The following FREM1 variants were observed in gnomAD, a reference collection of about 807,000 sequenced individuals.
The protein encoded by FREM1 is FRAS1 related extracellular matrix 1.
In FREM1, 220 loss-of-function variants were observed where a neutral mutation model predicts 210.1. That is an observed-to-expected ratio of 1.05 (90% CI 0.94 to 1.17). The LOEUF (loss-of-function observed/expected upper bound fraction) is 1.17. Ranked by LOEUF, FREM1 falls within the 50% of genes most tolerant of loss-of-function variation. The pLI is 0.00. For synonymous variants in FREM1, 1,189 were observed against 980.2 expected, an observed-to-expected ratio of 1.21 and a Z score of -3.98; for missense variants, 3,454 against 2,675.5, an observed-to-expected ratio of 1.29 and a Z score of -6.42.
chr9:14,777,545 C>A (rs1437699400), intron 24 of FREM1, among the ~76,000 whole-genome samples: 1 of 152,046 alleles, frequency 6.6e-6, no homozygotes, highest in Non-Finnish European at 1.5e-5. Flanking sequence ...TCCACCGATA[C>A]AAAAACCTCT....
intron 13 of FREM1, among the ~76,000 whole-genome samples, chr9:14,821,738 G>C (rs1195574358): frequency 6.6e-6 from 1 of 152,224 alleles, no homozygotes; most frequent in East Asian, 1.9e-4. Flanking sequence ...TGGTGAGTTG[G>C]ATGGGGGCTT....
intron 5 of FREM1, among the ~76,000 whole-genome samples, chr9:14,856,242 C>G (rs978855088): frequency 3.9e-5 from 6 of 152,204 alleles, no homozygotes; most frequent in Non-Finnish European, 7.3e-5. Flanking sequence ...AAAAGTCACA[C>G]AGTTAGTTAA....
At position 14,869,064 on chromosome 9, in the gene FREM1, C is replaced by A; in HGVS notation, c.-87G>T. 3 of 899,276 alleles carry A rather than the reference C, an allele frequency of 3.3e-6. No individual in the cohort carries two copies. Among genetic ancestry groups the A allele is most frequent in the Non-Finnish European group, 5.0e-6 (3 of 602,718 alleles). The allele number at this position is 899,276 out of a possible 1,614,324, so 55.7% of individuals were successfully genotyped here. A position where few individuals can be genotyped will look rare whatever the true frequency, so the allele number is the denominator to read the frequency against. Reference sequence around the variant, plus strand: ...TGTGCTTCCTCCTGGAGGGTCAGCTCATAGTCCAAGGGGCAGGGTGAGGGG... The same window carrying A: ...TGTGCTTCCTCCTGGAGGGTCAGCTAATAGTCCAAGGGGCAGGGTGAGGGG... On this transcript the variant is annotated 5_prime_UTR_variant, in exon 2 of 37. An upstream start codon of the reference 5' UTR is lost. Coordinates refer to ENST00000380880, the MANE Select transcript of FREM1 (RefSeq NM_001379081.2).
intron 20 of FREM1, among the ~76,000 whole-genome samples, chr9:14,799,735 C>A (rs2133247408): frequency 6.6e-6 from 1 of 151,888 alleles, no homozygotes; most frequent in African/African-American, 2.4e-5. Context: ...TCATTTATGT[C>A]CTAGAATGTA....
rs76107281 is a variant in FREM1, at chr9:14,878,083, G to A, written c.-267-8839C>T. Among the ~76,000 whole-genome samples the A allele has an allele frequency of 5.6e-3, 845 of 152,034 alleles. 6 individuals carry two copies. The highest frequency in any genetic ancestry group is 0.019 in the African/African-American group (790 of 41,436). On this transcript the variant is annotated intron_variant, in intron 1 of 36. Coordinates refer to ENST00000380880, the MANE Select transcript of FREM1 (RefSeq NM_001379081.2). ...CCTGCCTTTCCTCTAGGCATTTCTC[G>A]GCATCACAGTCAGTATTTTGATTAA...
chr9:14,801,966 C>A, intron 19 of FREM1, 92 bp from the exon 20 acceptor site: 2 of 885,896 alleles, frequency 2.3e-6, no homozygotes, highest in Non-Finnish European at 3.5e-6. Context: ...TTGAATATAT[C>A]CTACTTCAAA....
At position 14,784,385 on chromosome 9, in the gene FREM1, G is replaced by C. The variant is rs1281430978; in HGVS notation, c.4427C>G (p.Ser1476Cys). The C allele has an allele frequency of 9.3e-6, 15 of 1,613,326 alleles. No individual in the cohort carries two copies. Among genetic ancestry groups the C allele is most frequent in the African/African-American group, 2.7e-5 (2 of 74,896 alleles). Residue 1476 changes from serine (S) to cysteine (C), a missense_variant, in exon 24 of 37, where the codon TCC (serine) becomes TGC (cysteine). Transcript: ENST00000380880. Reference sequence around the variant, plus strand: ...TGGGGCTCACCTGAATCTGTCACTGGAGACAGTCACCTTGCTCTTGTGTAC... The same window carrying C: ...TGGGGCTCACCTGAATCTGTCACTGCAGACAGTCACCTTGCTCTTGTGTAC... ...CYVHKSKVTVSSDRFRFIISN... is the reference protein window; with the variant it reads ...CYVHKSKVTVCSDRFRFIISN...
chr9:14,859,397 G>A lies in FREM1; in HGVS notation c.417C>T (p.Asn139=), dbSNP rs1829387720. Residue 139 remains asparagine (N), a synonymous_variant, in exon 4 of 37, where the codon AAC becomes AAT. Transcript: ENST00000380880. ...EPDCNIIHMS[N]NVLEVPEFNG... is the part of the protein sequence containing the mutation. ...TGAATTCAGGCACCTCCAGCACATT[G>A]TTACTCATATGGATGATGTTACAGT... The A allele has an allele frequency of 3.1e-6, 5 of 1,613,836 alleles. No homozygotes were observed. The highest frequency in any genetic ancestry group is 4.2e-6 in the Non-Finnish European group (5 of 1,179,778).
At chr9:14,768,274 T>TA (rs34132406) in intron 27 of FREM1, among the ~76,000 whole-genome samples, 23 of 145,492 alleles carry the variant, frequency 1.6e-4, no homozygotes, top group East Asian at 1.4e-3. Flanking sequence ...TTTAAAATGT[T>TA]AAAAAAAAAA....
intron 12 of FREM1, 71 bp downstream of exon 12, chr9:14,823,954 T>C (rs1323635188): frequency 1.2e-6 from 1 of 842,782 alleles, no homozygotes; most frequent in Non-Finnish European, 1.8e-6. Context: ...TCAGGCACAA[T>C]ACTAGGCATG....
intron 1 of FREM1, 70 bp downstream of exon 1, chr9:14,909,844 T>C (rs1296731876): frequency 1.3e-5 from 2 of 152,206 alleles, no homozygotes; most frequent in Non-Finnish European, 2.9e-5. Flanking sequence ...ACACAAACAA[T>C]CTCTGGGGCA....
At chr9:14,838,914 G>A (rs74549063) in intron 10 of FREM1, among the ~76,000 whole-genome samples, 22,033 of 152,106 alleles carry the variant, frequency 0.14, 1,943 homozygotes, top group Non-Finnish European at 0.2. Context: ...GGTCGTCAGA[G>A]GATTCTTGGA....
intron 29 of FREM1, among the ~76,000 whole-genome samples, chr9:14,752,478 A>C (rs1843570147): frequency 6.6e-6 from 1 of 152,212 alleles, no homozygotes; most frequent in Admixed American, 6.5e-5. Flanking sequence ...GCACCTGGCC[A>C]GATTCAGACT....
At chr9:14,821,135 C>T (rs1297117075) in intron 13 of FREM1, among the ~76,000 whole-genome samples, 1 of 152,134 alleles carries the variant, frequency 6.6e-6, no homozygotes, top group Admixed American at 6.5e-5. Flanking sequence ...AACATCCTCC[C>T]GTGGTTATCA....
chr9:14,869,237 T>C lies in FREM1; in HGVS notation c.-260A>G. The C allele has an allele frequency of 2.6e-6, 1 of 388,020 alleles. No individual in the cohort carries two copies. The highest frequency in any genetic ancestry group is 4.6e-6 in the Non-Finnish European group (1 of 215,526). 24.0% of individuals were successfully genotyped at this position (388,020 alleles called of 1,614,324 possible). On this transcript the variant is annotated 5_prime_UTR_variant, in exon 2 of 37. Transcript: ENST00000380880. ...AGATTAATGGGCTTCCCAAGTGCTT[T>C]TCTAATCCTGCAAATGGGAGAAGGG...
intron 1 of FREM1, among the ~76,000 whole-genome samples, chr9:14,901,067 A>G (rs1838702770): frequency 6.6e-6 from 1 of 152,222 alleles, no homozygotes; most frequent in Admixed American, 6.5e-5. Flanking sequence ...GACTCTTTAA[A>G]GACAAAGATA....
chr9:14,799,210 C>T lies in FREM1; in HGVS notation c.3695-1568G>A, dbSNP rs528340581. 4.0e-5 allele frequency among the ~76,000 whole-genome samples: 6 copies of T among 151,770 alleles called. No individual in the cohort carries two copies. The East Asian group carries it at 1.2e-3, about 30-fold the overall frequency. ...CTGAGGTCAGAGGATCACTTGAGCCCTGGAAGTCCAGGCTGGAGTGAACTG... is the reference window on the plus strand; with the variant it reads ...CTGAGGTCAGAGGATCACTTGAGCCTTGGAAGTCCAGGCTGGAGTGAACTG... On this transcript the variant is annotated intron_variant, in intron 20 of 36. Coordinates refer to ENST00000380880, the MANE Select transcript of FREM1 (RefSeq NM_001379081.2).
intron 20 of FREM1, among the ~76,000 whole-genome samples, chr9:14,799,282 T>C (rs1256077827): frequency 6.7e-6 from 1 of 148,202 alleles, no homozygotes; most frequent in African/African-American, 2.5e-5. Flanking sequence ...CAAGACCCTG[T>C]CTCCAAAAAA....
At chr9:14,794,953 G>A (rs1367424106) in intron 21 of FREM1, among the ~76,000 whole-genome samples, 1 of 146,732 alleles carries the variant, frequency 6.8e-6, no homozygotes, top group Non-Finnish European at 1.5e-5. Context: ...AACCAACATC[G>A]TGCCACTGCA....
Sources: gnomAD v4.1 joint callset for allele counts (sites outside exome capture counted in the v4.1 genomes callset) on GRCh38, gnomAD v4.1.1 for gene constraint, MANE v1.5 for transcripts, NCBI Gene and HGNC (gene_info 2026-07-23, HGNC 2026-07-21) for gene names.